The following THSD4 variants were observed in gnomAD, a reference collection of about 807,000 sequenced individuals.
THSD4 encodes thrombospondin type-1 domain-containing protein 4.
THSD4 carries 69 observed loss-of-function variants against 119.0 expected under a neutral mutation model. The observed-to-expected ratio is 0.58, with a 90% CI of 0.48 to 0.71. The LOEUF is 0.71. Ranked by LOEUF, THSD4 falls within the 30% of genes least tolerant of loss-of-function variation. The pLI, the probability that THSD4 is intolerant of heterozygous loss-of-function variation, is 0.00. For missense variants in THSD4, 1,393 were observed against 1,391.1 expected, an observed-to-expected ratio of 1.00 and a Z score of -0.02; for synonymous variants, 524 against 540.4, an observed-to-expected ratio of 0.97 and a Z score of 0.42.
At chr15:71,647,305 T>C (rs2140973932) in intron 7 of THSD4, among the ~76,000 whole-genome samples, 1 of 152,350 alleles carries the variant, frequency 6.6e-6, no homozygotes, top group Middle Eastern at 3.4e-3. Flanking sequence ...GGAAATTCTC[T>C]GCCAGCATGA....
intron 8 of THSD4, among the ~76,000 whole-genome samples, chr15:71,696,288 C>G (rs2052164037): frequency 6.6e-6 from 1 of 152,118 alleles, no homozygotes; most frequent in Non-Finnish European, 1.5e-5. Context: ...GAGAAGCAGA[C>G]CCATGTGCAG....
At chr15:71,602,205 T>C (rs1238805225) in intron 7 of THSD4, among the ~76,000 whole-genome samples, 1 of 152,126 alleles carries the variant, frequency 6.6e-6, no homozygotes, top group African/African-American at 2.4e-5. Context: ...ATTAATATAC[T>C]GTTAGCAACT....
chr15:71,660,887 T>C (rs1028909447), intron 8 of THSD4, among the ~76,000 whole-genome samples, 153 bp downstream of exon 8: 1 of 152,164 alleles, frequency 6.6e-6, no homozygotes, highest in African/African-American at 2.4e-5. Context: ...GCCTGCGCCT[T>C]GAAATGAGAA....
At chr15:71,694,890 G>A (rs8038380) in intron 8 of THSD4, among the ~76,000 whole-genome samples, 26,294 of 151,808 alleles carry the variant, frequency 0.17, 2,485 homozygotes, top group African/African-American at 0.25. Context: ...GTGTGCACCT[G>A]GCCACCAGGA....
intron 3 of THSD4, among the ~76,000 whole-genome samples, chr15:71,173,153 C>G (rs939690925): frequency 6.6e-6 from 1 of 151,776 alleles, no homozygotes; most frequent in African/African-American, 2.4e-5. Flanking sequence ...ATTGTTAGAA[C>G]TAATAAATGA....
At chr15:71,733,143 TG>T (rs1393962585) in intron 10 of THSD4, 1 of 152,238 alleles carries the variant, frequency 6.6e-6, no homozygotes, top group Non-Finnish European at 1.5e-5. Context: ...TCAGGCCTGA[TG>T]GGGCTCAGCT....
intron 6 of THSD4, among the ~76,000 whole-genome samples, chr15:71,320,044 T>A (rs1384946654): frequency 6.6e-6 from 1 of 152,182 alleles, no homozygotes; most frequent in Non-Finnish European, 1.5e-5. Flanking sequence ...ACTAACATTC[T>A]TGAAAATATG....
At chr15:71,434,244 A>G (rs986911641) in intron 7 of THSD4, among the ~76,000 whole-genome samples, 1 of 152,136 alleles carries the variant, frequency 6.6e-6, no homozygotes, top group Non-Finnish European at 1.5e-5. Context: ...AACAACATAC[A>G]AACACATGTA....
At chr15:71,347,295 A>G (rs12915616) in intron 6 of THSD4, among the ~76,000 whole-genome samples, 88,316 of 151,916 alleles carry the variant, frequency 0.58, 27,215 homozygotes, top group East Asian at 0.81. Context: ...TCAATTTCAC[A>G]TCACCACTGT....
intron 7 of THSD4, among the ~76,000 whole-genome samples, chr15:71,585,855 T>G (rs976651000): frequency 6.6e-6 from 1 of 152,214 alleles, no homozygotes; most frequent in Admixed American, 6.5e-5. Context: ...TTCTTCTGCG[T>G]GATTGAGTCT....
In THSD4 at chr15:71,728,955, G is replaced by T. The variant is rs2052920531; in HGVS notation, c.1533+231G>T. On this transcript the variant is annotated intron_variant, in intron 9 of 17. Transcript: ENST00000261862. ...CCACCAGATGCTTATTACCTTCGGA[G>T]TTTATTGACCCAGTAAAACCAATTT... is the stretch of plus-strand genomic sequence containing the variant. The T allele has an allele frequency of 7.1e-6, 4 of 564,438 alleles. No individual in the cohort carries two copies. The South Asian group carries it at 9.1e-5, about 13-fold the overall frequency. The allele number at this position is 564,438 out of a possible 1,614,324, so 35.0% of individuals were successfully genotyped here. A position where few individuals can be genotyped will look rare whatever the true frequency, so the allele number is the denominator to read the frequency against.
intron 1 of THSD4, among the ~76,000 whole-genome samples, chr15:71,106,868 A>T (rs978482467): frequency 1.1e-4 from 15 of 140,030 alleles, no homozygotes; most frequent in East Asian, 4.0e-4. Flanking sequence ...TACCAGCTTT[A>T]AAAAAAAAAA....
chr15:71,745,022 C>T, intron 11 of THSD4, 84 bp from the exon 12 acceptor site: 1 of 1,516,824 alleles, frequency 6.6e-7, no homozygotes, highest in Admixed American at 1.9e-5. Context: ...TCTTCATCAG[C>T]ACCCGAATCT....
intron 8 of THSD4, among the ~76,000 whole-genome samples, chr15:71,719,550 A>G (rs948778452): frequency 1.3e-5 from 2 of 152,258 alleles, no homozygotes; most frequent in African/African-American, 2.4e-5. Context: ...ATTCTTAAAC[A>G]GGAATATCCA....
intron 4 of THSD4, 107 bp from the exon 5 acceptor site, chr15:71,242,542 C>G (rs1041285388): frequency 1.4e-5 from 17 of 1,249,742 alleles, no homozygotes; most frequent in Non-Finnish European, 1.8e-5. Flanking sequence ...GACCCTTTCC[C>G]AAGCTTCCGT....
intron 7 of THSD4, among the ~76,000 whole-genome samples, chr15:71,639,516 G>T (rs556189826): frequency 1.3e-5 from 2 of 152,134 alleles, no homozygotes; most frequent in Non-Finnish European, 2.9e-5. Context: ...AGTTGTAGTC[G>T]TAAGAATTTT....
intron 7 of THSD4, among the ~76,000 whole-genome samples, chr15:71,458,355 A>G (rs1186820095): frequency 2.0e-5 from 3 of 152,178 alleles, no homozygotes; most frequent in South Asian, 2.1e-4. Context: ...ATTTTGTCTT[A>G]GTTTGTATTT....
intron 2 of THSD4, among the ~76,000 whole-genome samples, chr15:71,153,008 C>G (rs2040739924): frequency 6.6e-6 from 1 of 152,206 alleles, no homozygotes; most frequent in Non-Finnish European, 1.5e-5. Context: ...TCCTGCCCCT[C>G]CAGGCTCTAA....
At chr15:71,382,446 T>C (rs2046240540) in intron 6 of THSD4, among the ~76,000 whole-genome samples, 1 of 152,176 alleles carries the variant, frequency 6.6e-6, no homozygotes, top group Non-Finnish European at 1.5e-5. Flanking sequence ...TGATCACATA[T>C]AAAATTCCTT....
Sources: gnomAD v4.1 joint callset for allele counts (sites outside exome capture counted in the v4.1 genomes callset) on GRCh38, gnomAD v4.1.1 for gene constraint, MANE v1.5 for transcripts, NCBI Gene and HGNC (gene_info 2026-07-23, HGNC 2026-07-21) for gene names.